The following KIF16B variants were observed in gnomAD, a reference collection of about 807,000 sequenced individuals.
The protein encoded by KIF16B is kinesin-like protein KIF16B.
A neutral mutation model predicts 156.3 loss-of-function variants in KIF16B; 98 were observed. The observed-to-expected ratio is 0.63, with a 90% CI of 0.53 to 0.74. The LOEUF is 0.74. Ranked by LOEUF, KIF16B falls within the 30% of genes least tolerant of loss-of-function variation. KIF16B has a pLI of 0.00. For synonymous variants in KIF16B, 564 were observed against 583.7 expected (o/e 0.97, Z 0.49); for missense variants, 1,421 against 1,606.5 (o/e 0.88, Z 1.97).
At chr20:16,370,556 A>T in intron 22 of KIF16B, 30 bp downstream of exon 22, 1 of 1,538,418 alleles carries the variant, frequency 6.5e-7, no homozygotes, top group East Asian at 2.4e-5. Context: ...ATTTAAGGCG[A>T]CCCTATCAAT....
At chr20:16,273,831 C>T (rs2063019964) in intron 25 of KIF16B, among the ~76,000 whole-genome samples, 1 of 152,152 alleles carries the variant, frequency 6.6e-6, no homozygotes. Flanking sequence ...CACTGTCCCA[C>T]CTATCATCAG....
intron 12 of KIF16B, among the ~76,000 whole-genome samples, chr20:16,450,424 G>A (rs2146596536): frequency 6.6e-6 from 1 of 152,226 alleles, no homozygotes; most frequent in Admixed American, 6.5e-5. Flanking sequence ...CTGAGGGTTG[G>A]CAAAGTTCTA....
intron 12 of KIF16B, among the ~76,000 whole-genome samples, chr20:16,437,636 T>C (rs1281005045): frequency 6.6e-6 from 1 of 152,188 alleles, no homozygotes; most frequent in Non-Finnish European, 1.5e-5. Flanking sequence ...TAATGAGAAA[T>C]ACGGAAATTG....
intron 21 of KIF16B, 53 bp from the exon 22 acceptor site, chr20:16,370,689 C>G: frequency 7.6e-7 from 1 of 1,317,562 alleles, no homozygotes; most frequent in Non-Finnish European, 1.0e-6. Context: ...GTTCACGGGG[C>G]GGGGGACTGA....
At chr20:16,350,580 T>G (rs1600187410) in intron 23 of KIF16B, among the ~76,000 whole-genome samples, 1 of 151,882 alleles carries the variant, frequency 6.6e-6, no homozygotes, top group Non-Finnish European at 1.5e-5. Flanking sequence ...TTTGGCATGC[T>G]TGGACTCGGA....
At chr20:16,428,462 CT>C (rs1329218752) in intron 14 of KIF16B, among the ~76,000 whole-genome samples, 1 of 152,098 alleles carries the variant, frequency 6.6e-6, no homozygotes, top group African/African-American at 2.4e-5. Flanking sequence ...ATTTGCGTGT[CT>C]TGTGAAGACT....
intron 12 of KIF16B, 118 bp downstream of exon 12, chr20:16,494,173 C>T: frequency 1.6e-6 from 1 of 644,116 alleles, no homozygotes; most frequent in Non-Finnish European, 2.7e-6. Context: ...TAATTGGTTC[C>T]AGTGATCTTA....
rs188281602 is a variant in KIF16B, at chr20:16,503,030, G to A, written c.1176+1342C>T. ...AGGAGTTCCAGACCAGACTGGTCACGTCGTGAAACCCCGTCTCTACCAAAA... is the reference window on the plus strand; with the variant it reads ...AGGAGTTCCAGACCAGACTGGTCACATCGTGAAACCCCGTCTCTACCAAAA... On this transcript the variant is annotated intron_variant, in intron 10 of 25. Coordinates refer to ENST00000354981, the MANE Select transcript of KIF16B (RefSeq NM_024704.5). Among the ~76,000 whole-genome samples, 42 of 152,202 alleles carry A rather than the reference G, an allele frequency of 2.8e-4. No homozygotes were observed. In the Middle Eastern group the frequency reaches 0.014, roughly 49 times the overall value.
chr20:16,392,715 C>A (rs1032898535), intron 17 of KIF16B, among the ~76,000 whole-genome samples: 4 of 152,204 alleles, frequency 2.6e-5, no homozygotes, highest in African/African-American at 7.2e-5. Flanking sequence ...ATGCTCAGCT[C>A]TCTGTTGCAG....
At chr20:16,553,568 T>C (rs2070740654) in intron 1 of KIF16B, among the ~76,000 whole-genome samples, 1 of 152,162 alleles carries the variant, frequency 6.6e-6, no homozygotes, top group African/African-American at 2.4e-5. Context: ...TAGCTCAACT[T>C]CCCCCAAAAC....
chr20:16,304,293 T>C (rs2053531053), intron 25 of KIF16B, among the ~76,000 whole-genome samples: 1 of 152,250 alleles, frequency 6.6e-6, no homozygotes, highest in African/African-American at 2.4e-5. Context: ...CTCTCGCTCA[T>C]TGGTGCATTC....
intron 17 of KIF16B, among the ~76,000 whole-genome samples, chr20:16,384,279 G>C (rs2065174987): frequency 6.6e-6 from 1 of 152,168 alleles, no homozygotes; most frequent in Non-Finnish European, 1.5e-5. Flanking sequence ...GTCCCCACCA[G>C]GCTCCCGGTC....
chr20:16,299,864 TA>T (rs904401133), intron 25 of KIF16B, among the ~76,000 whole-genome samples: 1 of 152,146 alleles, frequency 6.6e-6, no homozygotes, highest in African/African-American at 2.4e-5. Flanking sequence ...GACCCTTGAA[TA>T]AAAAACTTTT....
chr20:16,478,924 C>T (rs1031840820), intron 12 of KIF16B, among the ~76,000 whole-genome samples: 1 of 152,182 alleles, frequency 6.6e-6, no homozygotes, highest in Non-Finnish European at 1.5e-5. Flanking sequence ...TGTACACCTA[C>T]TCAATAACCC....
chr20:16,530,476 A>T (rs1044103547), intron 1 of KIF16B, among the ~76,000 whole-genome samples: 1 of 152,108 alleles, frequency 6.6e-6, no homozygotes, highest in Non-Finnish European at 1.5e-5. Flanking sequence ...CTGTGGACAG[A>T]CCCAGCCAGC....
intron 1 of KIF16B, among the ~76,000 whole-genome samples, chr20:16,540,229 C>G (rs189514271): frequency 2.0e-4 from 30 of 152,280 alleles, no homozygotes; most frequent in Admixed American, 3.9e-4. Flanking sequence ...GTCTATGATT[C>G]TAGATGCACA....
chr20:16,379,233 T>G lies in KIF16B; in HGVS notation c.2769A>C (p.Glu923Asp). Residue 923 changes from glutamate to aspartate, a missense_variant, in exon 19 of 26, where the codon GAA (glutamate) becomes GAC (aspartate). Glu to Asp is a conservative substitution (Grantham distance 45). Transcript: ENST00000354981. ...CAAGAATTTCAAATGCTCTCTGCTT[T>G]TCTTCCAACAGAGTTGGCAAGTGAT... Reference protein sequence around the residue: ...LQNHLPTLLEEKQRAFEILDR... With the variant: ...LQNHLPTLLEDKQRAFEILDR... 1 of 1,614,180 alleles carries G rather than the reference T, an allele frequency of 6.2e-7. No individual in the cohort carries two copies. The highest frequency in any genetic ancestry group is 8.5e-7 in the Non-Finnish European group (1 of 1,180,032).
intron 1 of KIF16B, among the ~76,000 whole-genome samples, chr20:16,549,793 T>C (rs2147281486): frequency 7.7e-6 from 1 of 129,394 alleles, no homozygotes; most frequent in Admixed American, 8.3e-5. Context: ...TGGCTAGCCA[T>C]ATGTAGGAAG....
chr20:16,313,749 T>C (rs75596203), intron 24 of KIF16B, among the ~76,000 whole-genome samples: 22,183 of 152,214 alleles, frequency 0.15, 1,723 homozygotes, highest in Admixed American at 0.16. Context: ...CCAACCATGT[T>C]GTTATGCGTA....
Sources: gnomAD v4.1 joint callset for allele counts (sites outside exome capture counted in the v4.1 genomes callset) on GRCh38, gnomAD v4.1.1 for gene constraint, MANE v1.5 for transcripts, NCBI Gene and HGNC (gene_info 2026-07-23, HGNC 2026-07-21) for gene names.